ANK2: variants seen among roughly 807,000 people sequenced by gnomAD.
The protein encoded by ANK2 is ankyrin 2.
ANK2 carries 83 observed loss-of-function variants against 360.5 expected under a neutral mutation model. That is an observed-to-expected ratio of 0.23 (90% CI 0.19 to 0.28). ANK2 has a LOEUF of 0.28. ANK2 is among the 10% of genes least tolerant of loss of function. The pLI is 1.00. For missense variants in ANK2, 4,201 were observed against 4,795.7 expected (o/e 0.88, Z 3.66); for synonymous variants, 1,740 against 1,759.5 (o/e 0.99, Z 0.28).
chr4:112,992,899 T>C (rs560970864), intron 2 of ANK2, among the ~76,000 whole-genome samples: 35 of 152,248 alleles, frequency 2.3e-4, no homozygotes, highest in Admixed American at 3.9e-4. Flanking sequence ...ATGTTGTATC[T>C]ATAATTGCCA....
intron 1 of ANK2, among the ~76,000 whole-genome samples, chr4:113,101,003 C>T (rs1581591488): frequency 6.6e-6 from 1 of 152,048 alleles, no homozygotes; most frequent in East Asian, 1.9e-4. Context: ...AGATGAAGCA[C>T]AGGGAATTTT....
the ANK2 span, among the ~76,000 whole-genome samples, chr4:112,779,366 A>G: frequency 1.3e-5 from 2 of 152,032 alleles, no homozygotes; most frequent in Non-Finnish European, 1.5e-5. Flanking sequence ...AAAAATAGAA[A>G]AAATTAGCCG....
intron 2 of ANK2, among the ~76,000 whole-genome samples, chr4:113,039,276 ATCTTTGGTTTCCACCAT>A (rs1448754518): frequency 6.6e-6 from 1 of 151,926 alleles, no homozygotes; most frequent in Non-Finnish European, 1.5e-5. Context: ...TGTTCGTATT[ATCTTTGGTTTCCACCAT>A]TCTTGAGATT....
At chr4:113,031,327 T>G (rs1392659040) in intron 2 of ANK2, 1 of 152,038 alleles carries the variant, frequency 6.6e-6, no homozygotes, top group Non-Finnish European at 1.5e-5. Flanking sequence ...TCTGGAGATA[T>G]TTATCTTTCC....
chr4:113,304,703 G>C (rs2076433474), intron 23 of ANK2, among the ~76,000 whole-genome samples: 1 of 152,092 alleles, frequency 6.6e-6, no homozygotes, highest in African/African-American at 2.4e-5. Context: ...TCCCTTGGTT[G>C]ATGATATATT....
chr4:112,829,025 C>T lies in ANK2; in HGVS notation c.-40+10761C>T, dbSNP rs75810374. 3.0e-3 allele frequency among the ~76,000 whole-genome samples: 451 copies of T among 152,088 alleles called. 1 individual carries two copies. Among genetic ancestry groups the T allele is most frequent in the African/African-American group, 0.01 (417 of 41,498 alleles). On this transcript the variant is annotated intron_variant, in intron 1 of 30. Transcript: ENST00000503271. Reference sequence around the variant, plus strand: ...AACAAAAATTAGCCGGGCGTGGTGGCGCCTGTAATCCCAGCTATTTGTGGA... The same window carrying T: ...AACAAAAATTAGCCGGGCGTGGTGGTGCCTGTAATCCCAGCTATTTGTGGA...
chr4:113,036,403 T>G (rs1205444622), intron 2 of ANK2, among the ~76,000 whole-genome samples: 1 of 151,888 alleles, frequency 6.6e-6, no homozygotes, highest in Non-Finnish European at 1.5e-5. Context: ...AGTTATATGA[T>G]TTGTTGTGAG....
intron 2 of ANK2, among the ~76,000 whole-genome samples, chr4:113,019,450 A>T (rs556175431): frequency 2.0e-4 from 30 of 152,054 alleles, no homozygotes; most frequent in African/African-American, 7.0e-4. Context: ...CAGGTATAAT[A>T]AAACACACAC....
At chr4:113,292,354 A>T in intron 20 of ANK2, 62 bp from the exon 21 acceptor site, 2 of 1,393,564 alleles carry the variant, frequency 1.4e-6, no homozygotes, top group Non-Finnish European at 2.0e-6. Flanking sequence ...AATGAAGGCT[A>T]ACCTAATTTT....
At chr4:113,191,559 T>A (rs2153363034) in intron 2 of ANK2, among the ~76,000 whole-genome samples, 1 of 152,322 alleles carries the variant, frequency 6.6e-6, no homozygotes, top group East Asian at 1.9e-4. Flanking sequence ...TATGTTGAAC[T>A]CAAAAATGCT....
chr4:112,854,004 C>T (rs1326091325), intron 1 of ANK2, among the ~76,000 whole-genome samples: 1 of 152,172 alleles, frequency 6.6e-6, no homozygotes, highest in Non-Finnish European at 1.5e-5. Context: ...TTCCTGTCCT[C>T]AGGAAGCCTA....
the ANK2 span, among the ~76,000 whole-genome samples, chr4:112,745,146 C>T: frequency 2.0e-5 from 3 of 152,216 alleles, no homozygotes; most frequent in Non-Finnish European, 2.9e-5. Context: ...TCATTGGTTA[C>T]TTCTTCCTTG....
intron 1 of ANK2, among the ~76,000 whole-genome samples, chr4:112,885,239 G>A (rs1242231828): frequency 2.6e-5 from 4 of 151,668 alleles, no homozygotes; most frequent in African/African-American, 9.7e-5. Flanking sequence ...GGTGGTTCAC[G>A]CCTGTAATCC....
chr4:113,036,862 G>A (rs2061718196), intron 2 of ANK2, among the ~76,000 whole-genome samples: 1 of 151,758 alleles, frequency 6.6e-6, no homozygotes, highest in South Asian at 2.1e-4. Flanking sequence ...TGAAGACAAA[G>A]GTTCCCTCTG....
At chr4:112,903,174 G>A (rs1442782242) in intron 1 of ANK2, among the ~76,000 whole-genome samples, 1 of 152,188 alleles carries the variant, frequency 6.6e-6, no homozygotes, top group Non-Finnish European at 1.5e-5. Flanking sequence ...GTTTCTCATT[G>A]GAAGGTGGAG....
the ANK2 span, among the ~76,000 whole-genome samples, chr4:112,758,928 G>C: frequency 2.6e-5 from 4 of 152,166 alleles, no homozygotes; most frequent in African/African-American, 7.2e-5. Flanking sequence ...GGAGAATTTC[G>C]AATCACATAG....
chr4:113,315,588 G>T (rs200075693), intron 24 of ANK2, among the ~76,000 whole-genome samples: 1 of 152,118 alleles, frequency 6.6e-6, no homozygotes, highest in East Asian at 1.9e-4. Flanking sequence ...CAAAATAAAG[G>T]TGAATAGAAT....
At chr4:113,308,083 A>G (rs2078105170) in intron 23 of ANK2, among the ~76,000 whole-genome samples, 1 of 152,242 alleles carries the variant, frequency 6.6e-6, no homozygotes, top group Non-Finnish European at 1.5e-5. Context: ...TTTCACATTG[A>G]ATAAGTAAGT....
rs181813502 is a variant in ANK2, at chr4:113,336,101, C to A, written c.3591+44C>A. ...CAAATGATCCTAACAGGATTGTATT[C>A]TAATGATTAAAAATTAGCTTTGTCA... On this transcript the variant is annotated intron_variant, in intron 30 of 45. Transcript: ENST00000357077. 1.1e-5 allele frequency: 17 copies of A among 1,592,312 alleles called. No individual in the cohort carries two copies. In the East Asian group the frequency reaches 3.8e-4, roughly 36 times the overall value.
Sources: gnomAD v4.1 joint callset for allele counts (sites outside exome capture counted in the v4.1 genomes callset) on GRCh38, gnomAD v4.1.1 for gene constraint, MANE v1.5 for transcripts, NCBI Gene and HGNC (gene_info 2026-07-23, HGNC 2026-07-21) for gene names.